The following EML5 variants were observed in gnomAD, a reference collection of about 807,000 sequenced individuals.
EML5 encodes EMAP like 5, also known as echinoderm microtubule-associated protein-like 5.
EML5 carries 120 observed loss-of-function variants against 250.0 expected under a neutral mutation model. The observed-to-expected ratio is 0.48, with a 90% CI of 0.41 to 0.56. EML5 has a LOEUF of 0.56. Among genes scored for constraint, EML5 ranks in the 20% least tolerant of loss-of-function variants. The pLI, the probability that EML5 is intolerant of heterozygous loss-of-function variation, is 0.00. For missense variants in EML5, 2,006 were observed against 2,437.6 expected (o/e 0.82, Z 3.73); for synonymous variants, 771 against 806.5 (o/e 0.96, Z 0.75).
rs1191191612 is a variant in EML5 at position 88,721,144 on chromosome 14, T to G, written c.1187+5397A>C. On this transcript the variant is annotated intron_variant, in intron 8 of 43. Coordinates refer to ENST00000554922, the MANE Select transcript of EML5 (RefSeq NM_183387.3). ...AGAGAACACAAATGAAAATATTCCA[T>G]GCTCCTGGATAGGAAGAATGAGTAT... Among the ~76,000 whole-genome samples, 3 of 152,170 alleles carry G rather than the reference T, an allele frequency of 2.0e-5. No individual in the cohort carries two copies. In the East Asian group the frequency reaches 5.8e-4, roughly 29 times the overall value.
At position 88,695,556 on chromosome 14, in the gene EML5, T is replaced by C. The variant is rs552021956; in HGVS notation, c.2345-102A>G. ...CCCACATCCTATATTTAAAATTTGATAAAATAATGTTAAATGTTAGGCATG... is the reference window on the plus strand; with the variant it reads ...CCCACATCCTATATTTAAAATTTGACAAAATAATGTTAAATGTTAGGCATG... On this transcript the variant is annotated intron_variant, in intron 15 of 43. Transcript: ENST00000554922. The C allele has an allele frequency of 5.1e-5, 57 of 1,107,606 alleles. No individual in the cohort carries two copies. In the African/African-American group the frequency reaches 8.4e-4, roughly 16 times the overall value. The allele number at this position is 1,107,606 out of a possible 1,614,324, so 68.6% of individuals were successfully genotyped here.
chr14:88,708,715 C>T (rs1263387462), intron 10 of EML5, among the ~76,000 whole-genome samples: 2 of 152,036 alleles, frequency 1.3e-5, no homozygotes, highest in African/African-American at 4.8e-5. Flanking sequence ...CATTTAATAG[C>T]ACGGAAGTCT....
intron 1 of EML5, among the ~76,000 whole-genome samples, chr14:88,782,552 C>T (rs2094508083): frequency 6.6e-6 from 1 of 152,168 alleles, no homozygotes. Flanking sequence ...AGAGGAAAAA[C>T]TGGTTTCCTG....
At chr14:88,621,360 A>G (rs1871586787) in intron 37 of EML5, 59 bp from the exon 38 acceptor site, 2 of 1,598,320 alleles carry the variant, frequency 1.3e-6, no homozygotes, top group Non-Finnish European at 8.6e-7. Context: ...TTTCTTCTTC[A>G]TAATATAAAA....
intron 8 of EML5, among the ~76,000 whole-genome samples, chr14:88,725,106 T>C (rs1004879905): frequency 6.6e-6 from 1 of 152,290 alleles, no homozygotes; most frequent in Non-Finnish European, 1.5e-5. Context: ...AATTATGTCT[T>C]TCATAGAGAC....
At chr14:88,634,995 T>C (rs2090640682) in intron 32 of EML5, among the ~76,000 whole-genome samples, 1 of 152,214 alleles carries the variant, frequency 6.6e-6, no homozygotes, top group Non-Finnish European at 1.5e-5. Context: ...CAAAGCTTAC[T>C]GTATAACTCA....
chr14:88,698,417 C>G (rs1438802691), intron 14 of EML5, among the ~76,000 whole-genome samples: 1 of 151,950 alleles, frequency 6.6e-6, no homozygotes, highest in Non-Finnish European at 1.5e-5. Context: ...CAGGCATGCA[C>G]CACCATGCCC....
chr14:88,704,471 A>G (rs1209649814), intron 13 of EML5, among the ~76,000 whole-genome samples: 1 of 152,152 alleles, frequency 6.6e-6, no homozygotes, highest in African/African-American at 2.4e-5. Flanking sequence ...GAAATGGACT[A>G]ACACAGTACT....
chr14:88,715,335 T>C, intron 8 of EML5, 140 bp from the exon 9 acceptor site: 1 of 827,016 alleles, frequency 1.2e-6, no homozygotes, highest in East Asian at 2.7e-5. Flanking sequence ...ACAAGTAGTA[T>C]TAATTCAGCA....
chr14:88,781,843 C>A (rs1051289787), intron 1 of EML5, among the ~76,000 whole-genome samples: 4 of 152,222 alleles, frequency 2.6e-5, no homozygotes, highest in East Asian at 1.9e-4. Flanking sequence ...GTCAATTAAA[C>A]CTCTTTCCTT....
At chr14:88,718,736 G>A (rs1426933690) in intron 8 of EML5, among the ~76,000 whole-genome samples, 1 of 152,126 alleles carries the variant, frequency 6.6e-6, no homozygotes, top group Non-Finnish European at 1.5e-5. Context: ...CCTGTGAAAG[G>A]GAGGAAAGTA....
chr14:88,694,138 T>G (rs1181223591), intron 17 of EML5, among the ~76,000 whole-genome samples, 169 bp downstream of exon 17: 2 of 152,102 alleles, frequency 1.3e-5, no homozygotes, highest in Non-Finnish European at 2.9e-5. Context: ...ATTTGATACA[T>G]TATTATTAAA....
chr14:88,621,006 A>G (rs763402291), intron 38 of EML5, 80 bp from the exon 39 acceptor site: 9 of 1,473,804 alleles, frequency 6.1e-6, no homozygotes, highest in Non-Finnish European at 8.1e-6. Context: ...TTTCCCCTCA[A>G]AATGCTCAAC....
At chr14:88,685,216 A>ATTTTG in intron 19 of EML5, 74 bp from the exon 20 acceptor site, 1 of 1,275,622 alleles carries the variant, frequency 7.8e-7, no homozygotes. Flanking sequence ...TTGCCAATTA[A>ATTTTG]GCTATTTTGA....
chr14:88,684,941 A>G (rs2092798230), intron 20 of EML5, 74 bp downstream of exon 20: 1 of 1,285,808 alleles, frequency 7.8e-7, no homozygotes, highest in African/African-American at 1.5e-5. Context: ...CATCACTGTC[A>G]ACTTTTGGCT....
chr14:88,630,270 T>C (rs530606618), intron 33 of EML5, among the ~76,000 whole-genome samples: 2 of 152,118 alleles, frequency 1.3e-5, no homozygotes, highest in Non-Finnish European at 2.9e-5. Context: ...CCTCAGGTGA[T>C]CTGCCTGCCT....
Position 88,688,478 on chromosome 14 carries a change from T to G in EML5, c.2540-5A>C, listed in dbSNP as rs1291946738. The G allele has an allele frequency of 6.2e-7, 1 of 1,612,888 alleles. No homozygotes were observed. The highest frequency in any genetic ancestry group is 1.1e-5 in the South Asian group (1 of 90,754). ...TTCTTCCAATCAATCCTCCCCCTAG[T>G]TCACAAAAAATATTATGAAAGTACC... On this transcript the variant is annotated splice_region_variant and splice_polypyrimidine_tract_variant and intron_variant, in intron 17 of 43. Transcript: ENST00000554922.
chr14:88,755,610 A>G (rs1033116716), intron 1 of EML5, among the ~76,000 whole-genome samples: 1 of 152,176 alleles, frequency 6.6e-6, no homozygotes, highest in Admixed American at 6.5e-5. Context: ...TCAATTTACA[A>G]TATCATATTT....
At chr14:88,698,360 G>C (rs1304925230) in intron 14 of EML5, among the ~76,000 whole-genome samples, 1 of 147,728 alleles carries the variant, frequency 6.8e-6, no homozygotes, top group African/African-American at 2.5e-5. Flanking sequence ...CCGCCTCCCA[G>C]GCTCAAGTGA....
Sources: allele counts gnomAD v4.1 joint callset (sites outside exome capture counted in the v4.1 genomes callset), GRCh38; gene constraint gnomAD v4.1.1; transcripts MANE v1.5; gene names NCBI Gene and HGNC (gene_info 2026-07-23, HGNC 2026-07-21).